The following RANBP9 variants were observed in gnomAD, a reference collection of about 807,000 sequenced individuals.
RANBP9 encodes the protein RAN binding protein 9.
Under a neutral mutation model 84.3 loss-of-function variants are expected in RANBP9, and 15 were observed. That is an observed-to-expected ratio of 0.18 (90% CI 0.12 to 0.27). The LOEUF is 0.27. Ranked by LOEUF, RANBP9 falls within the 10% of genes least tolerant of loss-of-function variation. The pLI, the probability that RANBP9 is intolerant of heterozygous loss-of-function variation, is 1.00. For synonymous variants in RANBP9, 392 were observed against 349.6 expected (o/e 1.12, Z -1.35); for missense variants, 809 against 912.8 (o/e 0.89, Z 1.46).
At position 13,632,346 on chromosome 6, in the gene RANBP9, T is replaced by C. The variant is rs200514160; in HGVS notation, c.1947+24A>G. On this transcript the variant is annotated intron_variant, in intron 12 of 13. Transcript: ENST00000011619. ...TTTAGTTCCTCTGACATATTCATAA[T>C]TTTTCAAGAAAAAATATATTCACCT... 9 of 1,603,998 alleles carry C rather than the reference T, an allele frequency of 5.6e-6. No homozygotes were observed. The African/African-American group carries it at 8.0e-5, about 14-fold the overall frequency.
At position 13,696,831 on chromosome 6, in the gene RANBP9, C is replaced by T; in HGVS notation, c.637G>A (p.Gly213Arg). 1 of 1,613,090 alleles carries T rather than the reference C, an allele frequency of 6.2e-7. No homozygotes were observed. The highest frequency in any genetic ancestry group is 8.5e-7 in the Non-Finnish European group (1 of 1,179,376). The change falls in exon 2 of 14, where the codon GGG (glycine) becomes AGG (arginine). Residue 213 changes from glycine to arginine, a missense_variant. By Grantham distance (125) the Gly-to-Arg change is moderately radical. Around this residue, in one of 5 missense-constraint regions of RANBP9, gnomAD observed 56 missense variants for 88.2 expected, o/e 0.63. Transcript: ENST00000011619. ...ATTTTTACTTCAAAATAATAAATCCCACAGGCTGCTGGTATTGGATGCGTG... is the reference window on the plus strand; with the variant it reads ...ATTTTTACTTCAAAATAATAAATCCTACAGGCTGCTGGTATTGGATGCGTG... ...RATHPIPAAC[G>R]IYYFEVKIVS...
At chr6:13,662,029 T>C (rs1263401616) in intron 2 of RANBP9, among the ~76,000 whole-genome samples, 5 of 152,158 alleles carry the variant, frequency 3.3e-5, no homozygotes, top group African/African-American at 1.2e-4. Context: ...TAAAAGCTAA[T>C]GGTTTACTAT....
intron 1 of RANBP9, among the ~76,000 whole-genome samples, chr6:13,705,117 C>T (rs1407634206): frequency 6.6e-6 from 1 of 152,100 alleles, no homozygotes; most frequent in Non-Finnish European, 1.5e-5. Flanking sequence ...GAATATATAT[C>T]ATTAGGCTGG....
At chr6:13,692,555 CACAAAAA>C (rs1766352116) in intron 2 of RANBP9, among the ~76,000 whole-genome samples, 2 of 62,316 alleles carry the variant, frequency 3.2e-5, no homozygotes, top group African/African-American at 6.2e-5. Context: ...AAAAAAAAAA[CACAAAAA>C]ACAAAAAGGC....
At chr6:13,688,747 C>A (rs1363870995) in intron 2 of RANBP9, among the ~76,000 whole-genome samples, 1 of 151,830 alleles carries the variant, frequency 6.6e-6, no homozygotes, top group South Asian at 2.1e-4. Context: ...AACTCCTAGC[C>A]CTAGCCCGTA....
chr6:13,703,178 G>A lies in RANBP9; in HGVS notation c.572-6282C>T, dbSNP rs1462346736. ...CAGGTGTGAGCCACTGCACCCTCCC[G>A]TGCTCAGCTTCTGTGACACCAATCT... On this transcript the variant is annotated intron_variant, in intron 1 of 13. Coordinates refer to ENST00000011619, the MANE Select transcript of RANBP9 (RefSeq NM_005493.3). 7.2e-5 allele frequency among the ~76,000 whole-genome samples: 11 copies of A among 152,122 alleles called. No individual in the cohort carries two copies. In the South Asian group the frequency reaches 8.3e-4, roughly 11 times the overall value.
At chr6:13,684,174 A>G (rs1483174745) in intron 2 of RANBP9, among the ~76,000 whole-genome samples, 1 of 152,190 alleles carries the variant, frequency 6.6e-6, no homozygotes, top group African/African-American at 2.4e-5. Context: ...TGTGTCTGGC[A>G]TTGTTCTACA....
rs1246122453 is a variant in RANBP9, at chr6:13,622,031, CCT to C, written c.*329_*330del. 3.7e-5 allele frequency: 6 copies of C among 163,948 alleles called. No individual in the cohort carries two copies. Among genetic ancestry groups the C allele is most frequent in the Non-Finnish European group, 6.6e-5 (5 of 75,960 alleles). The allele number at this position is 163,948 out of a possible 1,614,324, so 10.2% of individuals were successfully genotyped here. A position where few individuals can be genotyped will look rare whatever the true frequency, so the allele number is the denominator to read the frequency against. ...AACACAACTTGTTCCATTTCCTTCCCCTCTCTCCCCCCTCCCCCACAAAGAAG... is the reference window on the plus strand; with the variant it reads ...AACACAACTTGTTCCATTTCCTTCCCCTCTCCCCCCTCCCCCACAAAGAAG... On this transcript the variant is annotated 3_prime_UTR_variant, in exon 14 of 14. Coordinates refer to ENST00000011619, the MANE Select transcript of RANBP9 (RefSeq NM_005493.3).
chr6:13,638,728 A>C (rs1461428102), intron 9 of RANBP9, among the ~76,000 whole-genome samples: 1 of 152,136 alleles, frequency 6.6e-6, no homozygotes, highest in African/African-American at 2.4e-5. Context: ...AAGCCAAGAA[A>C]GGAGAGAATT....
At chr6:13,679,398 A>T (rs1347295304) in intron 2 of RANBP9, among the ~76,000 whole-genome samples, 1 of 152,210 alleles carries the variant, frequency 6.6e-6, no homozygotes, top group Non-Finnish European at 1.5e-5. Context: ...AAACAAGAAA[A>T]GCCTATTAGT....
Position 13,642,640 on chromosome 6 carries a change from G to C in RANBP9, c.1113-49C>G, listed in dbSNP as rs200187813. 3.6e-5 allele frequency: 44 copies of C among 1,231,178 alleles called. No individual in the cohort carries two copies. In the East Asian group the frequency reaches 9.6e-4, roughly 27 times the overall value. 76.3% of individuals were successfully genotyped at this position (1,231,178 alleles called of 1,614,324 possible). On this transcript the variant is annotated intron_variant, in intron 6 of 13. Transcript: ENST00000011619. ...ACATCTTTTAGTGAAGAGAATACAT[G>C]CTTCATACTACAATTTATATAAACA...
Position 13,623,034 on chromosome 6 carries a change from C to G in RANBP9, c.2060-542G>C, listed in dbSNP as rs541217723. 2.0e-4 allele frequency among the ~76,000 whole-genome samples: 31 copies of G among 152,162 alleles called. No individual in the cohort carries two copies. The East Asian group carries it at 3.9e-3, about 19-fold the overall frequency. Reference sequence around the variant, plus strand: ...GACAGTGAGAGAACATACAGCAGAGCCACCCCACAGTTTTGGAGGTGCTAA... The same window carrying G: ...GACAGTGAGAGAACATACAGCAGAGGCACCCCACAGTTTTGGAGGTGCTAA... On this transcript the variant is annotated intron_variant, in intron 13 of 13. Transcript: ENST00000011619.
chr6:13,624,946 C>T (rs1056499126), intron 13 of RANBP9, among the ~76,000 whole-genome samples: 2 of 152,164 alleles, frequency 1.3e-5, no homozygotes, highest in Non-Finnish European at 2.9e-5. Context: ...ATACCAGTGG[C>T]TTAGGCTGCT....
At chr6:13,674,766 T>G (rs1765852136) in intron 2 of RANBP9, among the ~76,000 whole-genome samples, 1 of 152,252 alleles carries the variant, frequency 6.6e-6, no homozygotes, top group Non-Finnish European at 1.5e-5. Context: ...CTTAGGCAGC[T>G]GCCTTTGCTC....
intron 1 of RANBP9, among the ~76,000 whole-genome samples, chr6:13,697,992 T>C (rs1157817152): frequency 1.3e-5 from 2 of 152,230 alleles, no homozygotes; most frequent in Non-Finnish European, 2.9e-5. Flanking sequence ...AAGTCAAAAA[T>C]TGTATCTTAA....
intron 12 of RANBP9, among the ~76,000 whole-genome samples, chr6:13,629,450 G>C (rs1380252296): frequency 1.3e-5 from 2 of 152,154 alleles, no homozygotes; most frequent in African/African-American, 4.8e-5. Flanking sequence ...AGCATTATGG[G>C]TTATTTTAAA....
At chr6:13,671,988 G>A (rs1431525729) in intron 2 of RANBP9, among the ~76,000 whole-genome samples, 1 of 152,146 alleles carries the variant, frequency 6.6e-6, no homozygotes, top group Non-Finnish European at 1.5e-5. Context: ...GACATATGGA[G>A]CTATATTTAC....
intron 6 of RANBP9, among the ~76,000 whole-genome samples, chr6:13,644,173 A>C (rs1184702339): frequency 6.6e-6 from 1 of 152,208 alleles, no homozygotes; most frequent in Non-Finnish European, 1.5e-5. Context: ...TAAGATCTAG[A>C]TTATCTCTCA....
At chr6:13,688,986 A>AT in intron 2 of RANBP9, among the ~76,000 whole-genome samples, 1 of 140,206 alleles carries the variant, frequency 7.1e-6, no homozygotes, top group African/African-American at 2.9e-5. Flanking sequence ...TCTCCACAAA[A>AT]AAAAAAAAAA....
Sources: gnomAD v4.1 joint callset for allele counts (sites outside exome capture counted in the v4.1 genomes callset) on GRCh38, gnomAD v4.1.1 for gene constraint, gnomAD v4.1.1 regional missense constraint, MANE v1.5 for transcripts, NCBI Gene and HGNC (gene_info 2026-07-23, HGNC 2026-07-21) for gene names.